SCUBE3: variants seen among roughly 807,000 people sequenced by gnomAD.
SCUBE3 encodes signal peptide, CUB domain and EGF like domain containing 3, also known as signal peptide, CUB and EGF-like domain-containing protein 3.
SCUBE3 carries 33 observed loss-of-function variants against 116.8 expected under a neutral mutation model. That is an observed-to-expected ratio of 0.28 (90% CI 0.21 to 0.38). The LOEUF (loss-of-function observed/expected upper bound fraction) is 0.38. Ranked by LOEUF, SCUBE3 falls within the 10% of genes least tolerant of loss-of-function variation. SCUBE3 has a pLI of 1.00. For synonymous variants in SCUBE3, 418 were observed against 496.9 expected (o/e 0.84, Z 2.11); for missense variants, 1,007 against 1,324.8 (o/e 0.76, Z 3.72).
In SCUBE3 at chr6:35,249,492, C is replaced by CA. The variant is rs201426929; in HGVS notation, c.*795dup. ...CAGAAACAAGGTTTTAAAGCATTGC[C>CA]AAAAAAAAGAAAACAGAAAGAAAAA... On this transcript the variant is annotated 3_prime_UTR_variant, in exon 22 of 22. Coordinates refer to ENST00000274938, the MANE Select transcript of SCUBE3 (RefSeq NM_152753.4). 0.029 allele frequency: 4,377 copies of CA among 151,488 alleles called. 80 individuals are homozygous for CA. Among genetic ancestry groups the CA allele is most frequent in the Middle Eastern group, 0.075 (22 of 292 alleles). The allele number at this position is 151,488 out of a possible 1,614,324, so 9.4% of individuals were successfully genotyped here. A position where few individuals can be genotyped will look rare whatever the true frequency, so the allele number is the denominator to read the frequency against.
At position 35,250,980 on chromosome 6, in the gene SCUBE3, G is replaced by A. The variant is rs538618564; in HGVS notation, c.*2275G>A. On this transcript the variant is annotated 3_prime_UTR_variant, in exon 22 of 22. Transcript: ENST00000274938. The stretch of plus-strand genomic sequence containing the variant: ...TGTCTGGCTACCTTTGTCTTTCTGG[G>A]TCAAGGAGGGCCACTGTAAAGATGC... 2.0e-5 allele frequency: 3 copies of A among 152,166 alleles called. No individual in the cohort carries two copies. Among genetic ancestry groups the A allele is most frequent in the East Asian group, 3.9e-4 (2 of 5,184 alleles). 9.4% of individuals were successfully genotyped at this position (152,166 alleles called of 1,614,324 possible). A position where few individuals can be genotyped will look rare whatever the true frequency, so the allele number is the denominator to read the frequency against.
Position 35,240,552 on chromosome 6 carries a change from G to T in SCUBE3, c.1069+62G>T. Reference sequence around the variant, plus strand: ...CCCCTCACCTCTTCACCCTCCAATTGAACAGGTCCTTGTGTTGGCTTGTGG... The same window carrying T: ...CCCCTCACCTCTTCACCCTCCAATTTAACAGGTCCTTGTGTTGGCTTGTGG... On this transcript the variant is annotated intron_variant, in intron 9 of 21. Coordinates refer to ENST00000274938, the MANE Select transcript of SCUBE3 (RefSeq NM_152753.4). The surrounding 1 kb of genome is among the most constrained non-coding windows in gnomAD (Gnocchi z 4.6). 1.3e-6 allele frequency: 1 copy of T among 796,622 alleles called. No homozygotes were observed. The highest frequency in any genetic ancestry group is 1.7e-5 in the South Asian group (1 of 58,172). The allele number at this position is 796,622 out of a possible 1,614,324, so 49.3% of individuals were successfully genotyped here.
At chr6:35,229,549 C>T (rs913135327) in intron 3 of SCUBE3, among the ~76,000 whole-genome samples, 8 of 152,266 alleles carry the variant, frequency 5.3e-5, no homozygotes, top group South Asian at 2.1e-4. Context: ...TTGATGATGA[C>T]GACAGTGCAT....
chr6:35,241,046 T>C lies in SCUBE3; in HGVS notation c.1070-95T>C. On this transcript the variant is annotated intron_variant, in intron 9 of 21. Coordinates refer to ENST00000274938, the MANE Select transcript of SCUBE3 (RefSeq NM_152753.4). The surrounding 1 kb of genome is among the most constrained non-coding windows in gnomAD (Gnocchi z 4.1). ...TTCATCTTGCGTAATGCAGGGTACC[T>C]GAAACTCTAACCAAAGGCCCTCACT... 7.9e-7 allele frequency: 1 copy of C among 1,261,502 alleles called. No individual in the cohort carries two copies. The highest frequency in any genetic ancestry group is 1.1e-6 in the Non-Finnish European group (1 of 899,182). 78.1% of individuals were successfully genotyped at this position (1,261,502 alleles called of 1,614,324 possible). A position where few individuals can be genotyped will look rare whatever the true frequency, so the allele number is the denominator to read the frequency against.
In SCUBE3 at chr6:35,250,780, G is replaced by A. The variant is rs1216134319; in HGVS notation, c.*2075G>A. On this transcript the variant is annotated 3_prime_UTR_variant, in exon 22 of 22. Transcript: ENST00000274938. ...GAACAGCTCAGGTTCATTTCTAGGT[G>A]ACTGTCCTAGGCTACTGCTCCCCCA... is the stretch of plus-strand genomic sequence containing the variant. 1 of 148,312 alleles carries A rather than the reference G, an allele frequency of 6.7e-6. No homozygotes were observed. The highest frequency in any genetic ancestry group is 1.5e-5 in the Non-Finnish European group (1 of 67,544). 9.2% of individuals were successfully genotyped at this position (148,312 alleles called of 1,614,324 possible).
chr6:35,250,012 T>G lies in SCUBE3; in HGVS notation c.*1307T>G, dbSNP rs2150320321. ...TGCCCAAGAGAAAAGAGTGTATGTT[T>G]GGAGTGGAAGAAAATCGGTTTTGAA... is the stretch of plus-strand genomic sequence containing the variant. On this transcript the variant is annotated 3_prime_UTR_variant, in exon 22 of 22. Transcript: ENST00000274938. 6.5e-6 allele frequency: 1 copy of G among 152,756 alleles called. No individual in the cohort carries two copies. Among genetic ancestry groups the G allele is most frequent in the Admixed American group, 6.5e-5 (1 of 15,302 alleles). 9.5% of individuals were successfully genotyped at this position (152,756 alleles called of 1,614,324 possible).
chr6:35,214,293 C>T lies in SCUBE3; in HGVS notation c.-126C>T, dbSNP rs1280877702. 4.9e-5 allele frequency: 21 copies of T among 429,274 alleles called. No individual in the cohort carries two copies. The South Asian group carries it at 8.9e-4, about 18-fold the overall frequency. The allele number at this position is 429,274 out of a possible 1,614,324, so 26.6% of individuals were successfully genotyped here. A position where few individuals can be genotyped will look rare whatever the true frequency, so the allele number is the denominator to read the frequency against. Reference sequence around the variant, plus strand: ...CGCGGTCCGCGCCCCGCGACTGCAGCCCCCGGCCTGGCCCCGGCGGGGCGC... The same window carrying T: ...CGCGGTCCGCGCCCCGCGACTGCAGTCCCCGGCCTGGCCCCGGCGGGGCGC... On this transcript the variant is annotated 5_prime_UTR_variant, in exon 1 of 22. Coordinates refer to ENST00000274938, the MANE Select transcript of SCUBE3 (RefSeq NM_152753.4). This position sits in a 1 kb window ranked among gnomAD's most constrained non-coding sequence, Gnocchi z 6.3.
In SCUBE3 at chr6:35,241,641, AG is replaced by A; in HGVS notation, c.1297del (p.Ala433ProfsTer13). On this transcript the variant is annotated frameshift_variant, in exon 11 of 22. Coordinates refer to ENST00000274938, the MANE Select transcript of SCUBE3 (RefSeq NM_152753.4). LOFTEE classifies it high-confidence loss of function. This position sits in a 1 kb window ranked among gnomAD's most constrained non-coding sequence, Gnocchi z 4.1. The stretch of plus-strand genomic sequence containing the variant: ...CACCTGTGCCCTGACCTGTCCCTCC[AG>A]GGCCCGATTTTTGCCAGGTACATGG... ...KDTCALTCPS[R>X]ARFLPESENG... 6.2e-7 allele frequency: 1 copy of A among 1,611,990 alleles called. No individual in the cohort carries two copies. The highest frequency in any genetic ancestry group is 8.5e-7 in the Non-Finnish European group (1 of 1,178,100).
At chr6:35,246,668 C>T (rs1784351839) in intron 21 of SCUBE3, among the ~76,000 whole-genome samples, 1 of 152,196 alleles carries the variant, frequency 6.6e-6, no homozygotes, top group Non-Finnish European at 1.5e-5. Context: ...ATTCTCTCCC[C>T]AGGCCTCATT....
chr6:35,242,149 A>AC, intron 12 of SCUBE3, 55 bp from the exon 13 acceptor site: 1 of 1,308,344 alleles, frequency 7.6e-7, no homozygotes, highest in African/African-American at 1.5e-5. Context: ...CCCCTACGGC[A>AC]CCCCCGACCT....
rs1450081488 is a variant in SCUBE3 at position 35,240,355 on chromosome 6, T to C, written c.953-19T>C. On this transcript the variant is annotated intron_variant, in intron 8 of 21. Coordinates refer to ENST00000274938, the MANE Select transcript of SCUBE3 (RefSeq NM_152753.4). The surrounding 1 kb of genome is among the most constrained non-coding windows in gnomAD (Gnocchi z 4.6). ...GTGCTCCAAGACAGATTCAGTGGCTTGAATCTTTGCTCTTCCAGATATAGA... is the reference window on the plus strand; with the variant it reads ...GTGCTCCAAGACAGATTCAGTGGCTCGAATCTTTGCTCTTCCAGATATAGA... 4 of 1,491,416 alleles carry C rather than the reference T, an allele frequency of 2.7e-6. No homozygotes were observed. The highest frequency in any genetic ancestry group is 3.7e-6 in the Non-Finnish European group (4 of 1,081,088). 92.4% of individuals were successfully genotyped at this position (1,491,416 alleles called of 1,614,324 possible). A position where few individuals can be genotyped will look rare whatever the true frequency, so the allele number is the denominator to read the frequency against.
Position 35,244,949 on chromosome 6 carries a change from C to A in SCUBE3, c.2401+138C>A. The A allele has an allele frequency of 1.2e-6, 1 of 845,834 alleles. No individual in the cohort carries two copies. Among genetic ancestry groups the A allele is most frequent in the Non-Finnish European group, 1.9e-6 (1 of 533,224 alleles). The allele number at this position is 845,834 out of a possible 1,614,324, so 52.4% of individuals were successfully genotyped here. ...GAAAACTCCACCTTCCACCTCTCCC[C>A]AACTCACTCAATCTCAAGGCCAGTT... is the stretch of plus-strand genomic sequence containing the variant. On this transcript the variant is annotated intron_variant, in intron 18 of 21. Transcript: ENST00000274938. This position sits in a 1 kb window ranked among gnomAD's most constrained non-coding sequence, Gnocchi z 4.3.
In SCUBE3 at chr6:35,214,747, C is replaced by A. The variant is rs1782818626; in HGVS notation, c.85+244C>A. 6.6e-6 allele frequency among the ~76,000 whole-genome samples: 1 copy of A among 152,186 alleles called. No homozygotes were observed. Among genetic ancestry groups the A allele is most frequent in the Non-Finnish European group, 1.5e-5 (1 of 68,030 alleles). ...TCTTGGGGGCGGTGGGCAGAAGAGA[C>A]CACGCGCCTCAGAATTCCGCTCGAC... is the stretch of plus-strand genomic sequence containing the variant. On this transcript the variant is annotated intron_variant, in intron 1 of 21. Transcript: ENST00000274938. The surrounding 1 kb of genome is among the most constrained non-coding windows in gnomAD (Gnocchi z 6.3).
rs980589758 is a variant in SCUBE3 at position 35,245,660 on chromosome 6, G to A, written c.2599+235G>A. Among the ~76,000 whole-genome samples, 1 of 152,184 alleles carries A rather than the reference G, an allele frequency of 6.6e-6. No homozygotes were observed. The highest frequency in any genetic ancestry group is 2.1e-4 in the South Asian group (1 of 4,824). Reference sequence around the variant, plus strand: ...GCAGTGGGGCTAGAACTCCAATGGCGTTACATGTATCACTTTCCTATCCTA... The same window carrying A: ...GCAGTGGGGCTAGAACTCCAATGGCATTACATGTATCACTTTCCTATCCTA... On this transcript the variant is annotated intron_variant, in intron 19 of 21. Transcript: ENST00000274938. This position sits in a 1 kb window ranked among gnomAD's most constrained non-coding sequence, Gnocchi z 4.2.
rs922551772 is a variant in SCUBE3 at position 35,232,713 on chromosome 6, G to A, written c.470-137G>A. 8.7e-6 allele frequency: 7 copies of A among 807,124 alleles called. No homozygotes were observed. The highest frequency in any genetic ancestry group is 3.4e-5 in the African/African-American group (2 of 58,370). 50.0% of individuals were successfully genotyped at this position (807,124 alleles called of 1,614,324 possible). A position where few individuals can be genotyped will look rare whatever the true frequency, so the allele number is the denominator to read the frequency against. ...GGGAAGACAGGAGGCCTGGGACAAG[G>A]AGAGTCAGTCCCCTCGTGTTGAATT... On this transcript the variant is annotated intron_variant, in intron 4 of 21. Coordinates refer to ENST00000274938, the MANE Select transcript of SCUBE3 (RefSeq NM_152753.4). This position sits in a 1 kb window ranked among gnomAD's most constrained non-coding sequence, Gnocchi z 4.2.
Position 35,225,854 on chromosome 6 carries a change from G to A in SCUBE3, c.86-1726G>A, listed in dbSNP as rs571118496. 2.0e-5 allele frequency among the ~76,000 whole-genome samples: 3 copies of A among 152,300 alleles called. No homozygotes were observed. In the East Asian group the frequency reaches 5.8e-4, roughly 29 times the overall value. On this transcript the variant is annotated intron_variant, in intron 1 of 21. Transcript: ENST00000274938. ...ATTCAAAAAGGCTATAATGAGTCCT[G>A]AGAATCTGCATTTTAATAAAACCTA...
Position 35,233,327 on chromosome 6 carries a change from G to C in SCUBE3, c.712+26G>C, listed in dbSNP as rs539349848. On this transcript the variant is annotated intron_variant, in intron 6 of 21. Coordinates refer to ENST00000274938, the MANE Select transcript of SCUBE3 (RefSeq NM_152753.4). The surrounding 1 kb of genome is among the most constrained non-coding windows in gnomAD (Gnocchi z 5.7). ...GTGGGTGAGGCCAGGGGAGAACTCA[G>C]TCCACCTGAGATGGGGTGGGGGTGG... 5 of 1,354,966 alleles carry C rather than the reference G, an allele frequency of 3.7e-6. No individual in the cohort carries two copies. The South Asian group carries it at 5.8e-5, about 16-fold the overall frequency. 83.9% of individuals were successfully genotyped at this position (1,354,966 alleles called of 1,614,324 possible).
chr6:35,227,797 C>A lies in SCUBE3; in HGVS notation c.208+95C>A. On this transcript the variant is annotated intron_variant, in intron 2 of 21. Transcript: ENST00000274938. ...TTGGCCACTCTCCATCACATCAAGG[C>A]TAGAAATTCCACTGGTCAAGTGGTG... 10 of 1,287,884 alleles carry A rather than the reference C, an allele frequency of 7.8e-6. 1 individual carries two copies. The South Asian group carries it at 1.2e-4, about 15-fold the overall frequency. The allele number at this position is 1,287,884 out of a possible 1,614,324, so 79.8% of individuals were successfully genotyped here. A position where few individuals can be genotyped will look rare whatever the true frequency, so the allele number is the denominator to read the frequency against.
rs1783546391 is a variant in SCUBE3, at chr6:35,231,507, C to T, written c.335-218C>T. On this transcript the variant is annotated intron_variant, in intron 3 of 21. Transcript: ENST00000274938. The surrounding 1 kb of genome is among the most constrained non-coding windows in gnomAD (Gnocchi z 4.2). ...TAGGTGACATTTGAGGTTCAAAGGT[C>T]CCCTTTTCCCCCACTTGCTTAGCTT... Among the ~76,000 whole-genome samples the T allele has an allele frequency of 6.6e-6, 1 of 152,196 alleles. No individual in the cohort carries two copies. The highest frequency in any genetic ancestry group is 1.5e-5 in the Non-Finnish European group (1 of 68,034).
Sources: allele counts gnomAD v4.1 joint callset (sites outside exome capture counted in the v4.1 genomes callset), GRCh38; gene constraint gnomAD v4.1.1; non-coding constraint Gnocchi (gnomAD v3.1); transcripts MANE v1.5; gene names NCBI Gene and HGNC (gene_info 2026-07-23, HGNC 2026-07-21).